CCDC150: variants seen among roughly 807,000 people sequenced by gnomAD.
CCDC150 encodes the protein coiled-coil domain containing 150.
Under a neutral mutation model 156.5 loss-of-function variants are expected in CCDC150, and 151 were observed. The ratio of observed to expected loss-of-function variants is 0.97; its 90% CI spans 0.85 to 1.10. CCDC150 has a LOEUF of 1.10. Among genes scored for constraint, CCDC150 ranks in the 50% least tolerant of loss-of-function variants. The pLI is 0.00. For missense variants in CCDC150, 1,312 were observed against 1,268.1 expected, an observed-to-expected ratio of 1.03 and a Z score of -0.53; for synonymous variants, 452 against 429.4, an observed-to-expected ratio of 1.05 and a Z score of -0.65.
At chr2:196,729,080 T>C in intron 22 of CCDC150, 113 bp from the exon 23 acceptor site, 4 of 949,450 alleles carry the variant, frequency 4.2e-6, no homozygotes, top group Non-Finnish European at 6.2e-6. Context: ...ATTGCCTCAC[T>C]AACTCTCCTT....
chr2:196,668,996 T>A (rs552351899), intron 7 of CCDC150, among the ~76,000 whole-genome samples: 2 of 152,356 alleles, frequency 1.3e-5, no homozygotes, highest in Admixed American at 6.5e-5. Context: ...AAGACTGATA[T>A]GAATTTTTCT....
In CCDC150 at chr2:196,666,753, G is replaced by A. The variant is rs753442017; in HGVS notation, c.797G>A (p.Arg266His). Residue 266 changes from arginine (R) to histidine (H), a missense_variant, in exon 7 of 28, where the codon CGT (arginine) becomes CAT (histidine). Physicochemically the swap from Arg to His is conservative, Grantham distance 29. Coordinates refer to ENST00000389175, the MANE Select transcript of CCDC150 (RefSeq NM_001080539.2). ...HILQQNCIAL[R>H]DSIQSAQELL... is the part of the protein sequence containing the mutation. Reference sequence around the variant, plus strand: ...TTGCAGCAAAACTGCATTGCTCTACGTGATTCTATACAGAGCGCTCAAGAA... The same window carrying A: ...TTGCAGCAAAACTGCATTGCTCTACATGATTCTATACAGAGCGCTCAAGAA... 4.5e-5 allele frequency: 73 copies of A among 1,610,926 alleles called. No individual in the cohort carries two copies. Among genetic ancestry groups the A allele is most frequent in the Non-Finnish European group, 4.3e-5 (51 of 1,178,668 alleles).
chr2:196,679,031 T>C (rs1210322239), intron 13 of CCDC150, among the ~76,000 whole-genome samples: 1 of 152,234 alleles, frequency 6.6e-6, no homozygotes, highest in Non-Finnish European at 1.5e-5. Flanking sequence ...TTCATGGTGC[T>C]GAAAGATACT....
intron 1 of CCDC150, among the ~76,000 whole-genome samples, chr2:196,643,415 C>CTT (rs139006542): frequency 2.6e-5 from 4 of 152,022 alleles, no homozygotes; most frequent in Admixed American, 2.0e-4. Context: ...GTTGGACCTT[C>CTT]TTTTTTTTAA....
intron 15 of CCDC150, among the ~76,000 whole-genome samples, chr2:196,710,996 T>C (rs1194748879): frequency 6.6e-6 from 1 of 152,174 alleles, no homozygotes; most frequent in African/African-American, 2.4e-5. Context: ...TAATCTACCA[T>C]TGGCCCCATC....
chr2:196,732,017 A>G lies in CCDC150; in HGVS notation c.3070-16A>G. 2.5e-6 allele frequency: 4 copies of G among 1,610,402 alleles called. No homozygotes were observed. The highest frequency in any genetic ancestry group is 2.2e-5 in the South Asian group (2 of 90,454). ...TCTTTCTTTGTGTCTTTTAATGGTGATATTTATATGTTCAGATAACAGCTA... is the reference window on the plus strand; with the variant it reads ...TCTTTCTTTGTGTCTTTTAATGGTGGTATTTATATGTTCAGATAACAGCTA... On this transcript the variant is annotated splice_polypyrimidine_tract_variant and intron_variant, in intron 26 of 27. Transcript: ENST00000389175.
At chr2:196,640,731 A>T (rs767388812) in intron 1 of CCDC150, among the ~76,000 whole-genome samples, 2 of 152,216 alleles carry the variant, frequency 1.3e-5, no homozygotes, top group Non-Finnish European at 2.9e-5. Flanking sequence ...TCTTTCAAGT[A>T]TATCTAACCA....
At chr2:196,666,690 GAA>G (rs765708367) in intron 6 of CCDC150, 27 bp from the exon 7 acceptor site, 1 of 1,559,780 alleles carries the variant, frequency 6.4e-7, no homozygotes, top group South Asian at 1.2e-5. Flanking sequence ...TTATCTCACA[GAA>G]AAAGAGTTTT....
At chr2:196,641,215 G>A (rs1559207442) in intron 1 of CCDC150, among the ~76,000 whole-genome samples, 1 of 151,982 alleles carries the variant, frequency 6.6e-6, no homozygotes, top group Non-Finnish European at 1.5e-5. Context: ...CTGACCTCTT[G>A]ATCTGCCCGC....
At chr2:196,640,425 T>C (rs1692144568) in intron 1 of CCDC150, among the ~76,000 whole-genome samples, 1 of 152,220 alleles carries the variant, frequency 6.6e-6, no homozygotes, top group African/African-American at 2.4e-5. Flanking sequence ...GGTCCTTTAA[T>C]CCTTTGTGTT....
chr2:196,700,714 G>T (rs1696148010), intron 14 of CCDC150, among the ~76,000 whole-genome samples: 1 of 152,110 alleles, frequency 6.6e-6, no homozygotes, highest in African/African-American at 2.4e-5. Context: ...GGTGCCTTCT[G>T]CTGTCAGTGG....
At chr2:196,683,845 G>T (rs1054607923) in intron 13 of CCDC150, among the ~76,000 whole-genome samples, 4 of 151,882 alleles carry the variant, frequency 2.6e-5, no homozygotes, top group Non-Finnish European at 5.9e-5. Context: ...AAGGTCAGTA[G>T]CAGAGTTCTC....
intron 15 of CCDC150, among the ~76,000 whole-genome samples, chr2:196,703,449 GA>G (rs1696376808): frequency 6.6e-6 from 1 of 152,146 alleles, no homozygotes; most frequent in South Asian, 2.1e-4. Flanking sequence ...ACCGTGGAAA[GA>G]TCTTAATTTT....
rs748839717 is a variant in CCDC150, at chr2:196,689,225, T to C, written c.1510-5821T>C. On this transcript the variant is annotated intron_variant, in intron 13 of 27. Transcript: ENST00000389175. ...TTGGCTTAGGATTGACTTGGCGATG[T>C]GGGCTCTTTTTTGGTTCCATATGAA... Among the ~76,000 whole-genome samples the C allele has an allele frequency of 2.2e-4, 33 of 152,182 alleles. 1 individual carries two copies. The highest frequency in any genetic ancestry group is 2.0e-3 in the Admixed American group (30 of 15,266).
intron 22 of CCDC150, chr2:196,727,820 G>A (rs1308287187): frequency 1.3e-5 from 2 of 151,992 alleles, no homozygotes; most frequent in Admixed American, 1.3e-4. Flanking sequence ...AGACCATCCT[G>A]GCTAACATGG....
intron 1 of CCDC150, among the ~76,000 whole-genome samples, chr2:196,644,521 C>T (rs1209766531): frequency 2.6e-5 from 4 of 152,024 alleles, no homozygotes; most frequent in Non-Finnish European, 5.9e-5. Context: ...TATACTGGCT[C>T]ATGTGGTAAC....
intron 16 of CCDC150, 83 bp downstream of exon 16, chr2:196,712,335 A>T: frequency 1.4e-6 from 1 of 727,554 alleles, no homozygotes; most frequent in Non-Finnish European, 2.2e-6. Context: ...CCACTTTACC[A>T]CACAATCCCA....
chr2:196,665,571 G>A lies in CCDC150; in HGVS notation c.650G>A (p.Arg217Lys). The A allele has an allele frequency of 6.3e-7, 1 of 1,592,504 alleles. No individual in the cohort carries two copies. Among genetic ancestry groups the A allele is most frequent in the Non-Finnish European group, 8.6e-7 (1 of 1,167,634 alleles). ...RKMNLKIQEL[R>K]RQLAQEKYLR... is the part of the protein sequence containing the mutation. ...AACTGCAGTGTTGCTTTGTAGCTAA[G>A]GAGACAACTGGCTCAGGAGAAGTAC... Residue 217 changes from arginine (R) to lysine (K), a missense_variant, in exon 6 of 28, where the codon AGG (arginine) becomes AAG (lysine). Arg to Lys is a conservative substitution (Grantham distance 26). Transcript: ENST00000389175.
rs1697263595 is a variant in CCDC150, at chr2:196,713,320, G to A, written c.1866+581G>A. ...GCTATTCCTTGAAAAATAACTCTAGGTTTAGCTGATTTTATTGTTTTTATT... is the reference window on the plus strand; with the variant it reads ...GCTATTCCTTGAAAAATAACTCTAGATTTAGCTGATTTTATTGTTTTTATT... On this transcript the variant is annotated intron_variant, in intron 17 of 27. Coordinates refer to ENST00000389175, the MANE Select transcript of CCDC150 (RefSeq NM_001080539.2). 5 of 1,434,216 alleles carry A rather than the reference G, an allele frequency of 3.5e-6. No individual in the cohort carries two copies. In the African/African-American group the frequency reaches 4.3e-5, roughly 12 times the overall value. 88.8% of individuals were successfully genotyped at this position (1,434,216 alleles called of 1,614,324 possible).
Sources: gnomAD v4.1 joint callset for allele counts (sites outside exome capture counted in the v4.1 genomes callset) on GRCh38, gnomAD v4.1.1 for gene constraint, MANE v1.5 for transcripts, NCBI Gene and HGNC (gene_info 2026-07-23, HGNC 2026-07-21) for gene names.